LRP2: variants seen among roughly 807,000 people sequenced by gnomAD.
The protein encoded by LRP2 is LDL receptor related protein 2.
Under a neutral mutation model 531.0 loss-of-function variants are expected in LRP2, and 172 were observed. That is an observed-to-expected ratio of 0.32 (90% CI 0.29 to 0.37). LRP2 has a LOEUF of 0.37. Among genes scored for constraint, LRP2 ranks in the 10% least tolerant of loss-of-function variants. The pLI is 1.00. For missense variants in LRP2, 5,167 were observed against 5,868.3 expected (o/e 0.88, Z 3.90); for synonymous variants, 1,992 against 2,027.6 (o/e 0.98, Z 0.47).
chr2:169,180,103 T>C (rs1687374348), intron 52 of LRP2, among the ~76,000 whole-genome samples: 1 of 152,208 alleles, frequency 6.6e-6, no homozygotes, highest in Non-Finnish European at 1.5e-5. Flanking sequence ...ACTGTCTAAA[T>C]GTATGCTGAG....
intron 1 of LRP2, among the ~76,000 whole-genome samples, chr2:169,335,168 G>T (rs910203761): frequency 3.3e-5 from 5 of 152,092 alleles, no homozygotes; most frequent in Non-Finnish European, 7.4e-5. Context: ...TCTTGTTTAT[G>T]CATTTTTATG....
chr2:169,211,161 C>T (rs908435741), intron 37 of LRP2, among the ~76,000 whole-genome samples: 1 of 152,198 alleles, frequency 6.6e-6, no homozygotes, highest in African/African-American at 2.4e-5. Flanking sequence ...ACGTGTGGGA[C>T]TGGAAGCTCT....
At chr2:169,201,201 G>C (rs543598095) in intron 44 of LRP2, among the ~76,000 whole-genome samples, 13 of 152,320 alleles carry the variant, frequency 8.5e-5, no homozygotes, top group African/African-American at 3.1e-4. Context: ...GCATAAAAGA[G>C]ATTGAAGAAT....
rs368899867 is a variant in LRP2, at chr2:169,212,016, A to T, written c.6232T>A (p.Leu2078Met). The change falls in exon 37 of 79, where the codon TTG becomes ATG. Residue 2078 changes from leucine (L) to methionine (M), a missense_variant. By Grantham distance (15) the Leu-to-Met change is conservative. Transcript: ENST00000649046. ...SMLSAIRGFS[L>M]ELSDHSETMV... Reference sequence around the variant, plus strand: ...GTTTCTGAATGATCTGACAATTCCAAGCTAAAGCCTCTGATTGCAGACAGC... The same window carrying T: ...GTTTCTGAATGATCTGACAATTCCATGCTAAAGCCTCTGATTGCAGACAGC... 2 of 1,614,018 alleles carry T rather than the reference A, an allele frequency of 1.2e-6. No individual in the cohort carries two copies. Among genetic ancestry groups the T allele is most frequent in the African/African-American group, 2.7e-5 (2 of 75,010 alleles).
At chr2:169,226,761 G>A (rs940491474) in intron 31 of LRP2, among the ~76,000 whole-genome samples, 173 bp from the exon 32 acceptor site, 13 of 152,164 alleles carry the variant, frequency 8.5e-5, no homozygotes, top group African/African-American at 3.1e-4. Context: ...CAGGGTTTCA[G>A]TGGGCTGCTG....
At position 169,206,597 on chromosome 2, in the gene LRP2, G is replaced by T; in HGVS notation, c.7123C>A (p.Leu2375Met). The change falls in exon 39 of 79, where the codon CTG becomes ATG. Residue 2375 changes from leucine to methionine, a missense_variant. This residue lies in a region of LRP2 where 2,811 missense variants were observed against 3,058.0 expected (regional missense o/e 0.92). Coordinates refer to ENST00000649046, the MANE Select transcript of LRP2 (RefSeq NM_004525.3). The stretch of plus-strand genomic sequence containing the variant: ...GCACAATTCTTGCCATCACTTTGCA[G>T]GGTCCCAAAGGCACAGTCACATTTT... ...TPKCDCAFGT[L>M]QSDGKNCAIS... 1 of 1,614,100 alleles carries T rather than the reference G, an allele frequency of 6.2e-7. No individual in the cohort carries two copies. Among genetic ancestry groups the T allele is most frequent in the Non-Finnish European group, 8.5e-7 (1 of 1,180,022 alleles).
intron 56 of LRP2, 145 bp from the exon 57 acceptor site, chr2:169,173,369 G>A: frequency 1.0e-6 from 1 of 968,798 alleles, no homozygotes; most frequent in Non-Finnish European, 1.6e-6. Context: ...TGTTTTAGAT[G>A]TGATCTGTTT....
intron 1 of LRP2, among the ~76,000 whole-genome samples, chr2:169,350,229 T>C (rs1390786462): frequency 6.6e-6 from 1 of 152,174 alleles, no homozygotes; most frequent in Non-Finnish European, 1.5e-5. Context: ...AAATTCCACA[T>C]GGAAAGCAAG....
intron 44 of LRP2, among the ~76,000 whole-genome samples, chr2:169,200,216 A>C (rs1688156772): frequency 6.6e-6 from 1 of 152,128 alleles, no homozygotes; most frequent in East Asian, 1.9e-4. Context: ...GCGTCACTGC[A>C]CTCCAGCCTG....
chr2:169,285,451 G>A (rs1444486546), intron 9 of LRP2, among the ~76,000 whole-genome samples: 3 of 152,118 alleles, frequency 2.0e-5, no homozygotes, highest in Admixed American at 1.3e-4. Context: ...GAGGGTTTTC[G>A]TGAGAGTAGA....
Position 169,239,582 on chromosome 2 carries a change from G to A in LRP2, c.4239C>T (p.Cys1413=). ...CTAACATGTAGCCTGTATCACACGAGCACCGGAAAGAACCTCTCATATTGT... is the reference window on the plus strand; with the variant it reads ...CTAACATGTAGCCTGTATCACACGAACACCGGAAAGAACCTCTCATATTGT... ...HCYNMRGSFR[C]SCDTGYMLES... The change falls in exon 26 of 79, where the codon TGC becomes TGT. Residue 1413 remains cysteine, a synonymous_variant. Transcript: ENST00000649046. The A allele has an allele frequency of 6.2e-7, 1 of 1,614,052 alleles. No individual in the cohort carries two copies. The highest frequency in any genetic ancestry group is 8.5e-7 in the Non-Finnish European group (1 of 1,179,944).
intron 4 of LRP2, among the ~76,000 whole-genome samples, chr2:169,304,904 G>A (rs904749499): frequency 1.3e-5 from 2 of 152,128 alleles, no homozygotes; most frequent in Non-Finnish European, 2.9e-5. Context: ...ACAAGTTCAT[G>A]TCTTTTACAA....
At position 169,220,517 on chromosome 2, in the gene LRP2, G is replaced by A. The variant is rs1688953113; in HGVS notation, c.5585C>T (p.Ala1862Val). Residue 1862 changes from alanine to valine, a missense_variant, in exon 34 of 79, where the codon GCC becomes GTC. Around this residue, in one of 6 missense-constraint regions of LRP2, gnomAD observed 2,811 missense variants for 3,058.0 expected, o/e 0.92. Coordinates refer to ENST00000649046, the MANE Select transcript of LRP2 (RefSeq NM_004525.3). ...AACTCCAAGAGCTGTCCCATCATTGGCAATCAATGTTTTTCTGTATCTGAT... is the reference window on the plus strand; with the variant it reads ...AACTCCAAGAGCTGTCCCATCATTGACAATCAATGTTTTTCTGTATCTGAT... Reference protein sequence around the residue: ...GDIRYRKTLIANDGTALGVGF... With the variant: ...GDIRYRKTLIVNDGTALGVGF... The A allele has an allele frequency of 6.2e-7, 1 of 1,613,366 alleles. No homozygotes were observed.
At chr2:169,209,673 C>T (rs1368387633) in intron 37 of LRP2, 32 bp from the exon 38 acceptor site, 8 of 1,604,346 alleles carry the variant, frequency 5.0e-6, no homozygotes, top group East Asian at 4.5e-5. Flanking sequence ...TTAAAAAATG[C>T]TGTCACTGAA....
chr2:169,212,454 T>A (rs1688627916), intron 36 of LRP2, among the ~76,000 whole-genome samples: 1 of 152,208 alleles, frequency 6.6e-6, no homozygotes, highest in Non-Finnish European at 1.5e-5. Context: ...TGTTTTCTTC[T>A]ACAAATCATG....
chr2:169,264,068 G>A (rs1350899239), intron 16 of LRP2, among the ~76,000 whole-genome samples: 2 of 152,074 alleles, frequency 1.3e-5, no homozygotes, highest in Non-Finnish European at 2.9e-5. Context: ...GACACAGGAA[G>A]GGGAACATCA....
chr2:169,260,141 T>A (rs1337273083), intron 16 of LRP2, among the ~76,000 whole-genome samples: 1 of 152,048 alleles, frequency 6.6e-6, no homozygotes, highest in Admixed American at 6.6e-5. Flanking sequence ...CAAAGAGAAG[T>A]TAAGCATCTG....
intron 1 of LRP2, among the ~76,000 whole-genome samples, chr2:169,349,278 G>A (rs1464986334): frequency 2.0e-5 from 3 of 152,190 alleles, no homozygotes; most frequent in Admixed American, 6.5e-5. Context: ...GGTGACCTAT[G>A]AGCAAAGACC....
At chr2:169,285,814 G>C (rs890471170) in intron 9 of LRP2, among the ~76,000 whole-genome samples, 1 of 152,208 alleles carries the variant, frequency 6.6e-6, no homozygotes, top group Admixed American at 6.5e-5. Flanking sequence ...ACCAGAGGCA[G>C]ATGAATGGTA....
Sources: gnomAD v4.1 joint callset for allele counts (sites outside exome capture counted in the v4.1 genomes callset) on GRCh38, gnomAD v4.1.1 for gene constraint, gnomAD v4.1.1 regional missense constraint, MANE v1.5 for transcripts, NCBI Gene and HGNC (gene_info 2026-07-23, HGNC 2026-07-21) for gene names.